The following MTA3 variants were observed in gnomAD, a reference collection of about 807,000 sequenced individuals.
MTA3 encodes the protein metastasis-associated protein MTA3.
A neutral mutation model predicts 83.5 loss-of-function variants in MTA3; 34 were observed. That is an observed-to-expected ratio of 0.41 (90% confidence interval 0.31 to 0.54). MTA3 has a LOEUF of 0.54. Ranked by LOEUF, MTA3 falls within the 20% of genes least tolerant of loss-of-function variation. The pLI is 0.33. For missense variants in MTA3, 761 were observed against 726.4 expected, an observed-to-expected ratio of 1.05 and a Z score of -0.55; for synonymous variants, 303 against 252.7, an observed-to-expected ratio of 1.20 and a Z score of -1.89.
intron 2 of MTA3, among the ~76,000 whole-genome samples, chr2:42,537,844 C>T (rs1343050745): frequency 1.3e-5 from 2 of 152,060 alleles, no homozygotes; most frequent in African/African-American, 4.8e-5. Flanking sequence ...AGGAAAGTGT[C>T]TTTCTTCTTA....
At chr2:42,658,471 G>A (rs9973454) in intron 7 of MTA3, among the ~76,000 whole-genome samples, 119,054 of 152,120 alleles carry the variant, frequency 0.78, 47,544 homozygotes, top group African/African-American at 0.94. Flanking sequence ...GGAATGTCGC[G>A]TAACAGGGAA....
chr2:42,708,960 G>T lies in MTA3; in HGVS notation c.1389G>T (p.Lys463Asn), dbSNP rs1046785922. Residue 463 changes from lysine (K) to asparagine (N), a missense_variant, in exon 14 of 17, where the codon AAG becomes AAT. Transcript: ENST00000405094. ...CTGGGAGTCCAAAGTCTGCAGTGAA[G>T]ACCCGCCAAGCTTTCTTCCTTCATA... Reference protein sequence around the residue: ...RNTGSPKSAVKTRQAFFLHTT... With the variant: ...RNTGSPKSAVNTRQAFFLHTT... The T allele has an allele frequency of 1.2e-6, 2 of 1,614,016 alleles. No homozygotes were observed. The highest frequency in any genetic ancestry group is 1.7e-6 in the Non-Finnish European group (2 of 1,179,896).
At chr2:42,682,670 C>A (rs1318155617) in intron 9 of MTA3, 81 bp downstream of exon 9, 14 of 1,278,810 alleles carry the variant, frequency 1.1e-5, no homozygotes, top group African/African-American at 1.5e-5. Flanking sequence ...TTACAGTATT[C>A]ATTTAGCAAG....
chr2:42,614,813 A>G (rs1213887724), intron 4 of MTA3, among the ~76,000 whole-genome samples: 4 of 151,982 alleles, frequency 2.6e-5, no homozygotes, highest in Non-Finnish European at 4.4e-5. Context: ...TGTCTCTATA[A>G]ATAATAAAAA....
chr2:42,630,928 T>C (rs1305216538), intron 4 of MTA3, among the ~76,000 whole-genome samples: 1 of 152,212 alleles, frequency 6.6e-6, no homozygotes, highest in African/African-American at 2.4e-5. Flanking sequence ...TTTATGGATA[T>C]GTTTATTGAA....
At chr2:42,574,028 G>T (rs1678772352) in intron 2 of MTA3, among the ~76,000 whole-genome samples, 1 of 151,126 alleles carries the variant, frequency 6.6e-6, no homozygotes, top group Non-Finnish European at 1.5e-5. Context: ...AGTAGAGATG[G>T]GGTTTCACCG....
chr2:42,520,892 A>T (rs1438966644), intron 2 of MTA3, among the ~76,000 whole-genome samples: 1 of 151,616 alleles, frequency 6.6e-6, no homozygotes, highest in East Asian at 1.9e-4. Context: ...TAGCCTCTCC[A>T]CCCCAGTGGA....
At chr2:42,699,493 G>A (rs1693674004) in intron 11 of MTA3, among the ~76,000 whole-genome samples, 1 of 152,170 alleles carries the variant, frequency 6.6e-6, no homozygotes, top group African/African-American at 2.4e-5. Flanking sequence ...GCTATATGTT[G>A]GGAAATGGTT....
In MTA3 at chr2:42,732,150, G is replaced by T. The variant is rs149749571; in HGVS notation, c.1759+9115G>T. 5.9e-3 allele frequency among the ~76,000 whole-genome samples: 900 copies of T among 152,314 alleles called. 11 individuals are homozygous for T. Among genetic ancestry groups the T allele is most frequent in the African/African-American group, 0.021 (862 of 41,574 alleles). ...TAGGCAGTGCCCCAGTAGGGACTCT[G>T]TGTGGGGACTCTGGCCCCACATTTC... is the stretch of plus-strand genomic sequence containing the variant. On this transcript the variant is annotated intron_variant, in intron 16 of 16. Coordinates refer to ENST00000405094, the MANE Select transcript of MTA3 (RefSeq NM_001330442.2).
intron 2 of MTA3, among the ~76,000 whole-genome samples, chr2:42,552,813 GGC>G (rs1677178481): frequency 6.6e-6 from 1 of 151,976 alleles, no homozygotes; most frequent in African/African-American, 2.4e-5. Context: ...AGCCAGGTGT[GGC>G]GGCACATGCC....
chr2:42,512,822 C>T (rs1367852822), intron 2 of MTA3, among the ~76,000 whole-genome samples: 3 of 152,122 alleles, frequency 2.0e-5, no homozygotes, highest in African/African-American at 7.2e-5. Context: ...TCCATTGACT[C>T]GGCATTAGTT....
At chr2:42,561,702 G>T (rs1042073977) in intron 2 of MTA3, among the ~76,000 whole-genome samples, 3 of 57,070 alleles carry the variant, frequency 5.3e-5, no homozygotes, top group Non-Finnish European at 8.9e-5. Context: ...TAAACATGTT[G>T]ACTGTTTCAA....
At position 42,723,018 on chromosome 2, in the gene MTA3, A is replaced by C; in HGVS notation, c.1742A>C (p.His581Pro). ...LSILGKRNYS[H>P]HNGLDELTCC... ...ATTCTGGGGAAAAGAAACTACAGTC[A>C]TCACAATGGTCTGGATGGTATGTAA... Residue 581 changes from histidine (H) to proline (P), a missense_variant, in exon 16 of 17, where the codon CAT (histidine) becomes CCT (proline). Physicochemically the swap from His to Pro is moderately conservative, Grantham distance 77. Transcript: ENST00000405094. 6.4e-7 allele frequency: 1 copy of C among 1,550,916 alleles called. No individual in the cohort carries two copies. Among genetic ancestry groups the C allele is most frequent in the Non-Finnish European group, 8.7e-7 (1 of 1,147,042 alleles).
rs1379716579 is a variant in MTA3, at chr2:42,568,660, G to GGCA, written c.-83_-81dup. The GGCA allele has an allele frequency of 2.9e-6, 3 of 1,026,652 alleles. No homozygotes were observed. The African/African-American group carries it at 5.1e-5, about 17-fold the overall frequency. 63.6% of individuals were successfully genotyped at this position (1,026,652 alleles called of 1,614,324 possible). A position where few individuals can be genotyped will look rare whatever the true frequency, so the allele number is the denominator to read the frequency against. ...GCGAGGCAGCAGCGACGGCGGCGGCGGCAGCGGCGGTCGCGGCTGAGGCTG... is the reference window on the plus strand; with the variant it reads ...GCGAGGCAGCAGCGACGGCGGCGGCGGCAGCAGCGGCGGTCGCGGCTGAGGCTG... On this transcript the variant is annotated 5_prime_UTR_variant, in exon 1 of 17. Coordinates refer to ENST00000405094, the MANE Select transcript of MTA3 (RefSeq NM_001330442.2).
chr2:42,618,211 G>A (rs1036421190), intron 4 of MTA3, among the ~76,000 whole-genome samples: 2 of 151,950 alleles, frequency 1.3e-5, no homozygotes. Flanking sequence ...GCCTCCCACC[G>A]TGAGTGAACC....
At chr2:42,617,552 G>A (rs886076627) in intron 4 of MTA3, among the ~76,000 whole-genome samples, 4 of 151,912 alleles carry the variant, frequency 2.6e-5, no homozygotes, top group African/African-American at 7.3e-5. Flanking sequence ...TGGCTCAAAC[G>A]TGTAATCCCA....
chr2:42,660,065 G>A (rs1240002328), intron 8 of MTA3, among the ~76,000 whole-genome samples: 3 of 151,706 alleles, frequency 2.0e-5, no homozygotes, highest in African/African-American at 7.3e-5. Flanking sequence ...CTGTTCATTA[G>A]AAAGAGGGGC....
chr2:42,573,434 C>G (rs894864382), intron 2 of MTA3, among the ~76,000 whole-genome samples: 1 of 152,194 alleles, frequency 6.6e-6, no homozygotes, highest in East Asian at 1.9e-4. Context: ...TAACCTTGAA[C>G]TCCTGGACTC....
intron 2 of MTA3, among the ~76,000 whole-genome samples, chr2:42,503,899 A>C: frequency 7.2e-6 from 1 of 138,562 alleles, no homozygotes; most frequent in East Asian, 2.0e-4. Flanking sequence ...CCTCAGACCC[A>C]TCCAACCCCA....
Sources: gnomAD v4.1 joint callset for allele counts (sites outside exome capture counted in the v4.1 genomes callset) on GRCh38, gnomAD v4.1.1 for gene constraint, MANE v1.5 for transcripts, NCBI Gene and HGNC (gene_info 2026-07-23, HGNC 2026-07-21) for gene names.